The following MAN1A1 variants were observed in gnomAD, a reference collection of about 807,000 sequenced individuals.
The protein encoded by MAN1A1 is mannosyl-oligosaccharide 1,2-alpha-mannosidase IA.
A neutral mutation model predicts 70.8 loss-of-function variants in MAN1A1; 29 were observed. The ratio of observed to expected loss-of-function variants is 0.41; its 90% CI spans 0.31 to 0.56. The LOEUF is 0.56. Ranked by LOEUF, MAN1A1 falls within the 20% of genes least tolerant of loss-of-function variation. The pLI is 0.29. For synonymous variants in MAN1A1, 349 were observed against 330.1 expected, an observed-to-expected ratio of 1.06 and a Z score of -0.62; for missense variants, 747 against 841.3, an observed-to-expected ratio of 0.89 and a Z score of 1.39.
At chr6:119,223,661 G>A (rs929231039) in intron 6 of MAN1A1, among the ~76,000 whole-genome samples, 1 of 152,016 alleles carries the variant, frequency 6.6e-6, no homozygotes, top group African/African-American at 2.4e-5. Flanking sequence ...CTAAAAACGG[G>A]AGACAGGTTA....
intron 2 of MAN1A1, among the ~76,000 whole-genome samples, chr6:119,312,369 T>C (rs3778107): frequency 0.1 from 15,363 of 152,234 alleles, 986 homozygotes; most frequent in Non-Finnish European, 0.14. Context: ...GGTCATTGAA[T>C]TAACCTTATT....
intron 8 of MAN1A1, among the ~76,000 whole-genome samples, chr6:119,200,164 T>C (rs895260477): frequency 2.0e-5 from 3 of 152,196 alleles, no homozygotes; most frequent in Non-Finnish European, 4.4e-5. Flanking sequence ...ATCCACTAAG[T>C]GCAAGATACT....
upstream of MAN1A1, chr6:119,350,491 C>T: frequency 1.0e-6 from 1 of 984,400 alleles, no homozygotes; most frequent in Non-Finnish European, 1.2e-6. Flanking sequence ...ACTTGTATGT[C>T]TCTCCCGCCC....
At chr6:119,203,444 TAGAGG>T (rs1402400608) in intron 7 of MAN1A1, among the ~76,000 whole-genome samples, 1 of 151,218 alleles carries the variant, frequency 6.6e-6, no homozygotes, top group Non-Finnish European at 1.5e-5. Context: ...TGTCAGCAGG[TAGAGG>T]AGAGGAGAGC....
intron 11 of MAN1A1, among the ~76,000 whole-genome samples, chr6:119,181,049 A>T (rs1373185978): frequency 6.6e-6 from 1 of 152,200 alleles, no homozygotes; most frequent in Non-Finnish European, 1.5e-5. Flanking sequence ...AGTATGAACT[A>T]TAGGCTAAAT....
chr6:119,331,568 T>G (rs1205169457), intron 2 of MAN1A1, among the ~76,000 whole-genome samples: 2 of 95,340 alleles, frequency 2.1e-5, no homozygotes, highest in Admixed American at 1.4e-4. Context: ...GTACATATTA[T>G]GCATATATAT....
intron 9 of MAN1A1, 117 bp downstream of exon 9, chr6:119,193,660 A>T (rs1773496837): frequency 6.8e-6 from 4 of 590,768 alleles, no homozygotes; most frequent in Non-Finnish European, 1.2e-5. Flanking sequence ...AACTCTACCT[A>T]ATTGGAAATA....
intron 3 of MAN1A1, 85 bp downstream of exon 3, chr6:119,306,811 G>A (rs6915559): frequency 0.38 from 364,628 of 967,382 alleles, 72,461 homozygotes; most frequent in Non-Finnish European, 0.41. Flanking sequence ...GGAGGGCCAT[G>A]TTACACAGAC....
chr6:119,248,969 G>A (rs1158058644), intron 5 of MAN1A1, among the ~76,000 whole-genome samples: 1 of 152,160 alleles, frequency 6.6e-6, no homozygotes, highest in African/African-American at 2.4e-5. Flanking sequence ...ATAATTATAT[G>A]CACATAAATA....
intron 6 of MAN1A1, among the ~76,000 whole-genome samples, chr6:119,240,032 T>C (rs1774959896): frequency 1.3e-5 from 2 of 152,334 alleles, no homozygotes; most frequent in South Asian, 2.1e-4. Flanking sequence ...TGTCCTTACA[T>C]GAAATTTTCC....
chr6:119,246,776 T>A (rs182154192), intron 6 of MAN1A1, among the ~76,000 whole-genome samples: 1 of 152,102 alleles, frequency 6.6e-6, no homozygotes, highest in Non-Finnish European at 1.5e-5. Flanking sequence ...AGTCAAATAC[T>A]CATGGGCCTC....
At chr6:119,206,581 T>C (rs1773867335) in intron 6 of MAN1A1, among the ~76,000 whole-genome samples, 1 of 152,232 alleles carries the variant, frequency 6.6e-6, no homozygotes, top group African/African-American at 2.4e-5. Flanking sequence ...TCATTTATTT[T>C]ACAAAATGCC....
chr6:119,349,075 T>A lies in MAN1A1; in HGVS notation c.-10A>T. ...GGCCCCCCACGGGCATCGCTCCCGCTGTCCAGTGGTCCGGCGCCGCGCCGC... is the reference window on the plus strand; with the variant it reads ...GGCCCCCCACGGGCATCGCTCCCGCAGTCCAGTGGTCCGGCGCCGCGCCGC... On this transcript the variant is annotated 5_prime_UTR_variant, in exon 2 of 13. Transcript: ENST00000368468. The A allele has an allele frequency of 7.7e-7, 1 of 1,299,070 alleles. No individual in the cohort carries two copies. The highest frequency in any genetic ancestry group is 9.8e-7 in the Non-Finnish European group (1 of 1,022,846). The allele number at this position is 1,299,070 out of a possible 1,614,324, so 80.5% of individuals were successfully genotyped here.
At chr6:119,187,256 C>T (rs62418806) in intron 11 of MAN1A1, among the ~76,000 whole-genome samples, 64,426 of 151,956 alleles carry the variant, frequency 0.42, 14,747 homozygotes, top group Non-Finnish European at 0.52. Flanking sequence ...TGGAACACAC[C>T]ATTCCTGATA....
intron 6 of MAN1A1, among the ~76,000 whole-genome samples, chr6:119,236,127 T>C: frequency 1.1e-5 from 1 of 90,196 alleles, no homozygotes; most frequent in African/African-American, 4.4e-5. Context: ...AGAGCAAGAC[T>C]CCGTCTAAAA....
At chr6:119,292,455 G>GT (rs1324406982) in intron 4 of MAN1A1, among the ~76,000 whole-genome samples, 1 of 151,894 alleles carries the variant, frequency 6.6e-6, no homozygotes, top group Non-Finnish European at 1.5e-5. Context: ...CCTGTCCTAG[G>GT]TGATAGGGAA....
chr6:119,298,970 A>C (rs779744627), intron 4 of MAN1A1, among the ~76,000 whole-genome samples: 2 of 152,122 alleles, frequency 1.3e-5, no homozygotes, highest in Non-Finnish European at 2.9e-5. Flanking sequence ...AAATATAAGT[A>C]ATAATATTTA....
At chr6:119,187,773 C>T (rs1009089833) in intron 11 of MAN1A1, among the ~76,000 whole-genome samples, 9 of 152,134 alleles carry the variant, frequency 5.9e-5, no homozygotes, top group Non-Finnish European at 1.3e-4. Flanking sequence ...TGCAGGTTGC[C>T]TCCTCAGGCA....
chr6:119,313,848 A>G (rs1301681081), intron 2 of MAN1A1, among the ~76,000 whole-genome samples: 1 of 151,998 alleles, frequency 6.6e-6, no homozygotes, highest in Non-Finnish European at 1.5e-5. Flanking sequence ...GAAGGGCCAG[A>G]CAGGAACAGA....
Sources: allele counts gnomAD v4.1 joint callset (sites outside exome capture counted in the v4.1 genomes callset), GRCh38; gene constraint gnomAD v4.1.1; transcripts MANE v1.5; gene names NCBI Gene and HGNC (gene_info 2026-07-23, HGNC 2026-07-21).